CSMD1: variants seen among roughly 807,000 people sequenced by gnomAD.
The protein encoded by CSMD1 is CUB and sushi domain-containing protein 1.
A neutral mutation model predicts 417.5 loss-of-function variants in CSMD1; 213 were observed. That is an observed-to-expected ratio of 0.51 (90% CI 0.46 to 0.57). The LOEUF is 0.57. Ranked by LOEUF, CSMD1 falls within the 20% of genes least tolerant of loss-of-function variation. The pLI is 0.00. For synonymous variants in CSMD1, 2,862 were observed against 1,736.8 expected (o/e 1.65, Z -16.11); for missense variants, 6,923 against 4,529.7 (o/e 1.53, Z -15.17).
chr8:4,220,327 G>A (rs189880372), intron 3 of CSMD1, among the ~76,000 whole-genome samples: 223 of 152,300 alleles, frequency 1.5e-3, no homozygotes, highest in South Asian at 4.4e-3. Flanking sequence ...AGCGTGAGAA[G>A]GAGGTTAGCA....
At chr8:4,314,592 G>C (rs1270676437) in intron 3 of CSMD1, among the ~76,000 whole-genome samples, 1 of 110,506 alleles carries the variant, frequency 9.0e-6, no homozygotes, top group East Asian at 2.3e-4. Context: ...GCTACTGGTT[G>C]TATTACATTT....
chr8:4,019,186 A>T (rs770243482), intron 4 of CSMD1, among the ~76,000 whole-genome samples: 11 of 152,182 alleles, frequency 7.2e-5, no homozygotes, highest in Non-Finnish European at 1.5e-4. Context: ...ACAGTCCAAG[A>T]CAGGTTTATT....
chr8:4,099,952 A>G (rs1192198553), intron 3 of CSMD1, among the ~76,000 whole-genome samples: 1 of 152,164 alleles, frequency 6.6e-6, no homozygotes, highest in East Asian at 1.9e-4. Flanking sequence ...GAATAAAAAT[A>G]CTCATTTATT....
chr8:3,468,255 A>C (rs1319823157), intron 12 of CSMD1, among the ~76,000 whole-genome samples: 6 of 152,242 alleles, frequency 3.9e-5, no homozygotes, highest in Non-Finnish European at 5.9e-5. Context: ...GTAAAGTTGT[A>C]AACTAGCTCA....
At chr8:4,472,996 A>G (rs559013265) in intron 2 of CSMD1, among the ~76,000 whole-genome samples, 1 of 152,146 alleles carries the variant, frequency 6.6e-6, no homozygotes, top group Admixed American at 6.6e-5. Context: ...TTATATGTAC[A>G]CATAAATTAT....
intron 29 of CSMD1, among the ~76,000 whole-genome samples, chr8:3,216,545 T>C (rs1797891039): frequency 6.6e-6 from 1 of 152,254 alleles, no homozygotes; most frequent in Non-Finnish European, 1.5e-5. Context: ...CTTTCTTCTT[T>C]ATGCCACTAA....
At chr8:3,489,082 CAT>C (rs963250573) in intron 11 of CSMD1, among the ~76,000 whole-genome samples, 17 of 152,256 alleles carry the variant, frequency 1.1e-4, no homozygotes, top group South Asian at 4.2e-4. Context: ...CACGTCTGTG[CAT>C]AGTGTCTGCT....
chr8:3,409,797 G>A (rs1055302808), intron 12 of CSMD1, among the ~76,000 whole-genome samples, 192 bp from the exon 13 acceptor site: 2 of 152,160 alleles, frequency 1.3e-5, no homozygotes, highest in African/African-American at 4.8e-5. Context: ...CATTTCAAAT[G>A]AAGGGAAAGG....
intron 7 of CSMD1, among the ~76,000 whole-genome samples, chr8:3,661,861 T>C (rs1798435205): frequency 6.6e-6 from 1 of 151,958 alleles, no homozygotes; most frequent in African/African-American, 2.4e-5. Context: ...TTTAGATCGG[T>C]GTTGAAGGAC....
At chr8:3,631,560 G>A (rs1307547190) in intron 7 of CSMD1, among the ~76,000 whole-genome samples, 1 of 152,218 alleles carries the variant, frequency 6.6e-6, no homozygotes, top group African/African-American at 2.4e-5. Flanking sequence ...TTTGCAAACA[G>A]TTTGAAATGA....
intron 3 of CSMD1, among the ~76,000 whole-genome samples, chr8:4,195,435 A>T (rs889995): frequency 0.022 from 3,348 of 152,254 alleles, 127 homozygotes; most frequent in African/African-American, 0.076. Context: ...GTCATGATTT[A>T]AAAAAGACGA....
intron 27 of CSMD1, among the ~76,000 whole-genome samples, chr8:3,224,543 G>C (rs1431805484): frequency 6.6e-6 from 1 of 152,142 alleles, no homozygotes; most frequent in African/African-American, 2.4e-5. Flanking sequence ...AAGTTTAAGT[G>C]AGCTCTAAGT....
At chr8:3,657,095 G>C (rs575040009) in intron 7 of CSMD1, among the ~76,000 whole-genome samples, 1 of 152,248 alleles carries the variant, frequency 6.6e-6, no homozygotes, top group African/African-American at 2.4e-5. Context: ...CCGAGTTGCT[G>C]CACTGGACAT....
intron 1 of CSMD1, among the ~76,000 whole-genome samples, chr8:4,934,091 G>A (rs1437502647): frequency 6.6e-6 from 1 of 152,060 alleles, no homozygotes; most frequent in East Asian, 1.9e-4. Context: ...AGAACTTTGA[G>A]GCGGCAGCCG....
intron 5 of CSMD1, among the ~76,000 whole-genome samples, chr8:3,784,176 G>C (rs571252716): frequency 3.9e-5 from 6 of 152,136 alleles, no homozygotes; most frequent in Non-Finnish European, 8.8e-5. Context: ...AGACATGTAA[G>C]TGTCACACCT....
At chr8:4,185,885 C>T (rs1204620926) in intron 3 of CSMD1, among the ~76,000 whole-genome samples, 2 of 152,182 alleles carry the variant, frequency 1.3e-5, no homozygotes, top group Admixed American at 6.6e-5. Flanking sequence ...ACTAAGATCA[C>T]GGCTTTCCTG....
At chr8:3,404,166 T>C (rs1400778263) in intron 15 of CSMD1, among the ~76,000 whole-genome samples, 1 of 152,000 alleles carries the variant, frequency 6.6e-6, no homozygotes, top group Non-Finnish European at 1.5e-5. Context: ...AAACGTCCCC[T>C]CTACTAAAAA....
At position 3,029,303 on chromosome 8, in the gene CSMD1, C is replaced by CA; in HGVS notation, c.7855+15_7855+16insT. ...AGGATGCCGTGACTTTCAGGGGTGC[C>CA]TCCCTCATCACTTACCTCGACAGCT... On this transcript the variant is annotated intron_variant, in intron 51 of 69. Transcript: ENST00000635120. 6.3e-7 allele frequency: 1 copy of CA among 1,577,266 alleles called. No homozygotes were observed. The highest frequency in any genetic ancestry group is 8.6e-7 in the Non-Finnish European group (1 of 1,160,850).
chr8:2,995,769 A>G (rs1163730351), intron 54 of CSMD1, among the ~76,000 whole-genome samples: 1 of 152,184 alleles, frequency 6.6e-6, no homozygotes, highest in Non-Finnish European at 1.5e-5. Context: ...TCTCCGGAAA[A>G]TTATGTTGAA....
Sources: allele counts gnomAD v4.1 joint callset (sites outside exome capture counted in the v4.1 genomes callset), GRCh38; gene constraint gnomAD v4.1.1; transcripts MANE v1.5; gene names NCBI Gene and HGNC (gene_info 2026-07-23, HGNC 2026-07-21).